The following MECOM variants were observed in gnomAD, a reference collection of about 807,000 sequenced individuals.
MECOM encodes the protein histone-lysine N-methyltransferase MECOM.
MECOM carries 13 observed loss-of-function variants against 116.3 expected under a neutral mutation model. The ratio of observed to expected loss-of-function variants is 0.11; its 90% CI spans 0.07 to 0.18. The LOEUF is 0.18. Among genes scored for constraint, MECOM ranks in the 10% least tolerant of loss-of-function variants. The pLI, the probability that MECOM is intolerant of heterozygous loss-of-function variation, is 1.00. For missense variants in MECOM, 1,299 were observed against 1,509.0 expected (o/e 0.86, Z 2.31); for synonymous variants, 528 against 535.2 (o/e 0.99, Z 0.19).
chr3:169,519,936 C>A (rs1757155150), intron 1 of MECOM, among the ~76,000 whole-genome samples: 1 of 152,224 alleles, frequency 6.6e-6, no homozygotes. Context: ...ATGGCCTATG[C>A]CTGGCCAATA....
chr3:169,402,459 A>G (rs1278719229), intron 1 of MECOM, among the ~76,000 whole-genome samples: 2 of 152,164 alleles, frequency 1.3e-5, no homozygotes, highest in African/African-American at 4.8e-5. Flanking sequence ...GGATGGTAGG[A>G]AAAAAATTTC....
intron 1 of MECOM, among the ~76,000 whole-genome samples, chr3:169,523,407 G>A (rs1202753791): frequency 2.0e-5 from 3 of 149,362 alleles, no homozygotes; most frequent in South Asian, 2.1e-4. Context: ...GAAGATATTC[G>A]CCATGAAAAC....
intron 1 of MECOM, among the ~76,000 whole-genome samples, chr3:169,510,728 C>G (rs1755861161): frequency 6.6e-6 from 1 of 152,212 alleles, no homozygotes; most frequent in Non-Finnish European, 1.5e-5. Context: ...CGAGAGATAG[C>G]TTTCAGAGCA....
intron 1 of MECOM, among the ~76,000 whole-genome samples, chr3:169,568,742 G>A (rs1763540598): frequency 6.6e-6 from 1 of 152,164 alleles, no homozygotes; most frequent in Non-Finnish European, 1.5e-5. Flanking sequence ...GTTCAACTAA[G>A]CTTCATAAGC....
chr3:169,402,934 C>T (rs1736125107), intron 1 of MECOM, among the ~76,000 whole-genome samples: 1 of 152,174 alleles, frequency 6.6e-6, no homozygotes, highest in South Asian at 2.1e-4. Context: ...AAAACCACTC[C>T]TGACCTCAGC....
chr3:169,362,784 G>A (rs1728518189), intron 2 of MECOM, among the ~76,000 whole-genome samples: 1 of 151,826 alleles, frequency 6.6e-6, no homozygotes, highest in Non-Finnish European at 1.5e-5. Context: ...ATAACAGTGA[G>A]GAAAAGCCCA....
intron 1 of MECOM, among the ~76,000 whole-genome samples, chr3:169,654,517 C>T (rs1775291851): frequency 6.6e-6 from 1 of 152,274 alleles, no homozygotes; most frequent in South Asian, 2.1e-4. Context: ...CTCTGAATAT[C>T]CACAGTAGCC....
Position 169,083,567 on chromosome 3 carries a change from A to T in MECOM, c.*1342T>A, listed in dbSNP as rs960106807. The T allele has an allele frequency of 5.3e-6, 1 of 187,782 alleles. No individual in the cohort carries two copies. The highest frequency in any genetic ancestry group is 6.2e-5 in the Admixed American group (1 of 16,168). 11.6% of individuals were successfully genotyped at this position (187,782 alleles called of 1,614,324 possible). Reference sequence around the variant, plus strand: ...CCCATAGTAATGCACTGAAAGGCATAACAGTTTATATTGTACAAAGCATTT... The same window carrying T: ...CCCATAGTAATGCACTGAAAGGCATTACAGTTTATATTGTACAAAGCATTT... On this transcript the variant is annotated 3_prime_UTR_variant, in exon 17 of 17. Coordinates refer to ENST00000651503, the MANE Select transcript of MECOM (RefSeq NM_004991.4).
intron 1 of MECOM, among the ~76,000 whole-genome samples, chr3:169,644,330 C>T (rs995474054): frequency 6.6e-6 from 1 of 152,032 alleles, no homozygotes; most frequent in Non-Finnish European, 1.5e-5. Context: ...AATCTTGGCT[C>T]ACTGCAACCT....
chr3:169,506,497 T>C (rs1755236203), intron 1 of MECOM, among the ~76,000 whole-genome samples: 1 of 152,020 alleles, frequency 6.6e-6, no homozygotes, highest in South Asian at 2.1e-4. Context: ...CTTTAAAGTA[T>C]GGAAGGCCCA....
rs1468745233 is a variant in MECOM at position 169,381,543 on chromosome 3, T to C, written c.38-19A>G. ...TCATTATCTGTGAATAAATAAGAAC[T>C]TCATGAATTCCTTCTGATATTGAAG... On this transcript the variant is annotated intron_variant, in intron 1 of 16. Coordinates refer to ENST00000651503, the MANE Select transcript of MECOM (RefSeq NM_004991.4). The C allele has an allele frequency of 1.3e-6, 2 of 1,523,402 alleles. No individual in the cohort carries two copies. Among genetic ancestry groups the C allele is most frequent in the Admixed American group, 2.1e-5 (1 of 48,054 alleles). The allele number at this position is 1,523,402 out of a possible 1,614,324, so 94.4% of individuals were successfully genotyped here.
chr3:169,432,461 A>G (rs182888487), intron 1 of MECOM, among the ~76,000 whole-genome samples: 192 of 152,016 alleles, frequency 1.3e-3, no homozygotes, highest in African/African-American at 4.0e-3. Context: ...CCGGGCTGTC[A>G]TTTTTTTCTT....
chr3:169,467,314 G>C (rs572679738), intron 1 of MECOM, among the ~76,000 whole-genome samples: 17 of 152,250 alleles, frequency 1.1e-4, no homozygotes, highest in Non-Finnish European at 1.5e-4. Context: ...GAGATTTTTA[G>C]ACAATTCTTC....
At chr3:169,127,646 A>G (rs1733314296) in intron 5 of MECOM, among the ~76,000 whole-genome samples, 198 bp downstream of exon 5, 1 of 152,170 alleles carries the variant, frequency 6.6e-6, no homozygotes, top group South Asian at 2.1e-4. Flanking sequence ...ATCTGACATC[A>G]AAATAACTAA....
In MECOM at chr3:169,445,864, T is replaced by A. The variant is rs561938137; in HGVS notation, c.38-64340A>T. On this transcript the variant is annotated intron_variant, in intron 1 of 16. Transcript: ENST00000651503. ...ATGTGAGACCTGGATTCAAAGGAGATCATTTTGGAGCTTTAAATTTGACTA... is the reference window on the plus strand; with the variant it reads ...ATGTGAGACCTGGATTCAAAGGAGAACATTTTGGAGCTTTAAATTTGACTA... 1.9e-4 allele frequency among the ~76,000 whole-genome samples: 29 copies of A among 152,278 alleles called. 1 individual carries two copies. Among genetic ancestry groups the A allele is most frequent in the Admixed American group, 1.9e-3 (29 of 15,298 alleles).
chr3:169,661,243 C>T (rs1338737976), intron 1 of MECOM, among the ~76,000 whole-genome samples: 3 of 152,052 alleles, frequency 2.0e-5, no homozygotes, highest in African/African-American at 7.2e-5. Flanking sequence ...GCTTTCACTT[C>T]ACAACTTAGG....
chr3:169,657,722 G>A (rs1775703536), intron 1 of MECOM, among the ~76,000 whole-genome samples: 1 of 152,196 alleles, frequency 6.6e-6, no homozygotes, highest in Non-Finnish European at 1.5e-5. Flanking sequence ...GCACTTCAAA[G>A]GAGGCTAAGT....
intron 2 of MECOM, among the ~76,000 whole-genome samples, chr3:169,288,575 T>C (rs1713842907): frequency 6.6e-6 from 1 of 152,202 alleles, no homozygotes; most frequent in Non-Finnish European, 1.5e-5. Flanking sequence ...CATCATTTAA[T>C]AGTAACAAGA....
chr3:169,136,178 T>C (rs1376599889), intron 3 of MECOM, among the ~76,000 whole-genome samples: 1 of 151,746 alleles, frequency 6.6e-6, no homozygotes, highest in Non-Finnish European at 1.5e-5. Context: ...ATGAAATTGA[T>C]TGAGCAAATT....
Sources: allele counts gnomAD v4.1 joint callset (sites outside exome capture counted in the v4.1 genomes callset), GRCh38; gene constraint gnomAD v4.1.1; transcripts MANE v1.5; gene names NCBI Gene and HGNC (gene_info 2026-07-23, HGNC 2026-07-21).